CTNNA2: variants seen among roughly 807,000 people sequenced by gnomAD.
CTNNA2 encodes the protein catenin alpha-2.
Under a neutral mutation model 101.0 loss-of-function variants are expected in CTNNA2, and 42 were observed. The observed-to-expected ratio is 0.42, with a 90% confidence interval of 0.32 to 0.54. CTNNA2 has a LOEUF of 0.54. CTNNA2 is among the 20% of genes least tolerant of loss of function. The pLI is 0.14. For missense variants in CTNNA2, 871 were observed against 1,223.1 expected (o/e 0.71, Z 4.29); for synonymous variants, 450 against 456.4 (o/e 0.99, Z 0.18).
intron 3 of CTNNA2, among the ~76,000 whole-genome samples, chr2:79,364,939 A>C (rs768330428): frequency 1.5e-4 from 23 of 152,148 alleles, no homozygotes; most frequent in Non-Finnish European, 1.6e-4. Context: ...AGCATCTTGA[A>C]TCTTATGTGG....
At chr2:79,797,453 G>T (rs1449980855) in intron 3 of CTNNA2, among the ~76,000 whole-genome samples, 3 of 152,036 alleles carry the variant, frequency 2.0e-5, no homozygotes, top group African/African-American at 7.2e-5. Flanking sequence ...AAAGTCAGGA[G>T]TTCAAGACCA....
intron 2 of CTNNA2, chr2:79,687,811 A>G (rs1684038458): frequency 4.4e-6 from 2 of 456,808 alleles, no homozygotes. Context: ...AATGGATTTC[A>G]CACTTAGGGT....
intron 3 of CTNNA2, among the ~76,000 whole-genome samples, chr2:79,855,068 A>G (rs1234218415): frequency 5.3e-5 from 8 of 152,366 alleles, no homozygotes; most frequent in Non-Finnish European, 8.8e-5. Flanking sequence ...TATCTGCTTA[A>G]AATGAGCTTT....
intron 7 of CTNNA2, among the ~76,000 whole-genome samples, chr2:80,062,310 C>A (rs548822438): frequency 6.6e-6 from 1 of 152,296 alleles, no homozygotes; most frequent in South Asian, 2.1e-4. Context: ...CCCTTTCCAT[C>A]CTCATCTATA....
At chr2:79,319,856 G>T (rs1034729047) in intron 3 of CTNNA2, 1 of 152,314 alleles carries the variant, frequency 6.6e-6, no homozygotes, top group South Asian at 2.1e-4. Flanking sequence ...AGGAAGATAA[G>T]AGGCAAAGAA....
intron 7 of CTNNA2, among the ~76,000 whole-genome samples, chr2:80,070,718 A>AG (rs1429487603): frequency 2.2e-4 from 1 of 4,646 alleles, no homozygotes; most frequent in Non-Finnish European, 7.1e-4. Context: ...ACCCTGTCTC[A>AG]AAAAAAAAAA....
At chr2:79,468,965 A>G (rs1399903129) in intron 4 of CTNNA2, among the ~76,000 whole-genome samples, 1 of 152,192 alleles carries the variant, frequency 6.6e-6, no homozygotes, top group Non-Finnish European at 1.5e-5. Context: ...TCACAATTGA[A>G]AGAACTAGAG....
At chr2:79,512,565 C>A (rs1438099441), upstream of CTNNA2, among the ~76,000 whole-genome samples, 4 of 145,708 alleles carry the variant, frequency 2.7e-5, no homozygotes, top group South Asian at 9.3e-4. Flanking sequence ...ACACCCCTAT[C>A]CCCCCCGCCC....
At chr2:79,284,747 C>T (rs1236077351) in intron 2 of CTNNA2, among the ~76,000 whole-genome samples, 1 of 150,706 alleles carries the variant, frequency 6.6e-6, no homozygotes, top group East Asian at 2.0e-4. Flanking sequence ...TCTGCCTGGC[C>T]TTGGTATCCG....
intron 7 of CTNNA2, among the ~76,000 whole-genome samples, chr2:80,217,022 G>T (rs1708308409): frequency 6.6e-6 from 1 of 151,862 alleles, no homozygotes; most frequent in Non-Finnish European, 1.5e-5. Flanking sequence ...ACTAGAGACG[G>T]AATTTCACCA....
At chr2:80,367,657 C>CT (rs922645325) in intron 7 of CTNNA2, among the ~76,000 whole-genome samples, 12 of 151,582 alleles carry the variant, frequency 7.9e-5, no homozygotes, top group Non-Finnish European at 1.5e-4. Flanking sequence ...TTATGATTAA[C>CT]TTTTTTTTAT....
chr2:79,900,986 A>G (rs768006604), intron 6 of CTNNA2, among the ~76,000 whole-genome samples: 2 of 152,206 alleles, frequency 1.3e-5, no homozygotes, highest in African/African-American at 4.8e-5. Flanking sequence ...TAAAGGGTAC[A>G]TAGAATGGGG....
chr2:80,380,710 A>T (rs1329386770), intron 7 of CTNNA2, among the ~76,000 whole-genome samples: 3 of 152,208 alleles, frequency 2.0e-5, no homozygotes, highest in Non-Finnish European at 4.4e-5. Flanking sequence ...AATTCCATGC[A>T]GACCTAGCAA....
At chr2:79,652,684 AT>A (rs1681344694) in intron 2 of CTNNA2, among the ~76,000 whole-genome samples, 2 of 152,118 alleles carry the variant, frequency 1.3e-5, no homozygotes, top group Admixed American at 1.3e-4. Context: ...TTCTATTGCC[AT>A]TTAAGGTAAC....
Position 80,466,779 on chromosome 2 carries a change from A to T in CTNNA2, c.1290+47178A>T, listed in dbSNP as rs545092316. The stretch of plus-strand genomic sequence containing the variant: ...CTTAGGCCCCAACAGGATTTCCATC[A>T]AAGAGTTCAATGAAAATAAGATTAT... On this transcript the variant is annotated intron_variant, in intron 9 of 18. Coordinates refer to ENST00000402739, the MANE Select transcript of CTNNA2 (RefSeq NM_001282597.3). Among the ~76,000 whole-genome samples, 99 of 152,328 alleles carry T rather than the reference A, an allele frequency of 6.5e-4. 2 individuals carry two copies. In the South Asian group the frequency reaches 0.019, roughly 30 times the overall value.
Position 80,547,175 on chromosome 2 carries a change from G to GGCTT in CTNNA2, c.1540+1112_1540+1113insGCTT, listed in dbSNP as rs1658757842. Among the ~76,000 whole-genome samples the GGCTT allele has an allele frequency of 7.2e-5, 11 of 152,288 alleles. 1 individual carries two copies. The South Asian group carries it at 1.0e-3, about 14-fold the overall frequency. ...TAAATTCCCACTGGGGCTTGTCTGA[G>GGCTT]AACTGTGTAGTCAAATCTGTAGATT... On this transcript the variant is annotated intron_variant, in intron 11 of 18. Transcript: ENST00000402739.
chr2:80,089,527 C>CTT (rs10655675), intron 7 of CTNNA2, among the ~76,000 whole-genome samples: 2,304 of 148,950 alleles, frequency 0.015, 49 homozygotes, highest in African/African-American at 0.05. Flanking sequence ...CTCATAGATA[C>CTT]TTTTTTTTTT....
At chr2:80,420,059 A>AC (rs1680395520) in intron 9 of CTNNA2, among the ~76,000 whole-genome samples, 1 of 149,940 alleles carries the variant, frequency 6.7e-6, no homozygotes, top group Non-Finnish European at 1.5e-5. Flanking sequence ...AAAAAAAAAA[A>AC]AAAACCCACC....
At chr2:80,539,314 T>TA in intron 9 of CTNNA2, among the ~76,000 whole-genome samples, 1 of 101,772 alleles carries the variant, frequency 9.8e-6, no homozygotes, top group Non-Finnish European at 1.9e-5. Flanking sequence ...CTCCTTGCTT[T>TA]TTTTTTTTTG....
Sources: allele counts gnomAD v4.1 joint callset (sites outside exome capture counted in the v4.1 genomes callset), GRCh38; gene constraint gnomAD v4.1.1; transcripts MANE v1.5; gene names NCBI Gene and HGNC (gene_info 2026-07-23, HGNC 2026-07-21).